The following BRSK2 variants were observed in gnomAD, a reference collection of about 807,000 sequenced individuals.
The protein encoded by BRSK2 is BR serine/threonine kinase 2.
Under a neutral mutation model 83.3 loss-of-function variants are expected in BRSK2, and 19 were observed. That is an observed-to-expected ratio of 0.23 (90% CI 0.16 to 0.33). The LOEUF (loss-of-function observed/expected upper bound fraction) is 0.33, where lower values mean the gene tolerates loss of function less well. Among genes scored for constraint, BRSK2 ranks in the 10% least tolerant of loss-of-function variants. The pLI, the probability that BRSK2 is intolerant of heterozygous loss-of-function variation, is 1.00. For missense variants in BRSK2, 798 were observed against 1,042.3 expected, an observed-to-expected ratio of 0.77 and a Z score of 3.23; for synonymous variants, 519 against 435.4, an observed-to-expected ratio of 1.19 and a Z score of -2.39.
At chr11:1,451,720 C>T (rs1043325780) in intron 15 of BRSK2, among the ~76,000 whole-genome samples, 3 of 152,134 alleles carry the variant, frequency 2.0e-5, no homozygotes, top group Admixed American at 6.5e-5. Context: ...GGCCTGAGCT[C>T]GCCAAGGGCA....
chr11:1,452,771 G>A (rs573963965), intron 15 of BRSK2, among the ~76,000 whole-genome samples: 16 of 152,168 alleles, frequency 1.1e-4, no homozygotes, highest in African/African-American at 3.9e-4. Context: ...ACAGATGCCT[G>A]TGACAGCCCT....
chr11:1,436,240 G>T lies in BRSK2; in HGVS notation c.186+106G>T, dbSNP rs1044281342. On this transcript the variant is annotated intron_variant, in intron 2 of 19. Transcript: ENST00000528841. ...GGGACCTGCGGTGCTGGATGCGGGT[G>T]GGGGGGCGGGCCCTGCAGGCTCCTG... 1.6e-4 allele frequency: 60 copies of T among 384,376 alleles called. 5 individuals are homozygous for T. The highest frequency in any genetic ancestry group is 2.4e-4 in the African/African-American group (11 of 45,950). The allele number at this position is 384,376 out of a possible 1,614,324, so 23.8% of individuals were successfully genotyped here.
chr11:1,450,335 G>A lies in BRSK2; in HGVS notation c.1288-252G>A, dbSNP rs372929183. ...TGGGAGCGCCTCGAGGCCTGGACAC[G>A]TCCTCCCTCTGCAGGCCGCCCTGCG... is the stretch of plus-strand genomic sequence containing the variant. On this transcript the variant is annotated intron_variant, in intron 13 of 19. Coordinates refer to ENST00000528841, the MANE Select transcript of BRSK2 (RefSeq NM_001256627.2). 6.1e-4 allele frequency among the ~76,000 whole-genome samples: 92 copies of A among 152,024 alleles called. 2 individuals carry two copies. The South Asian group carries it at 0.012, about 19-fold the overall frequency.
chr11:1,440,768 GGTGGCCCC>G lies in BRSK2; in HGVS notation c.273-17_273-10del. The G allele has an allele frequency of 6.4e-7, 1 of 1,553,898 alleles. No homozygotes were observed. Among genetic ancestry groups the G allele is most frequent in the Non-Finnish European group, 8.7e-7 (1 of 1,148,664 alleles). ...GCGGGCAGCCACAGCTGGGCGCACT[GGTGGCCCC>G]GTCTCCTGCAGGTACCTGGTGCTAG... is the stretch of plus-strand genomic sequence containing the variant. On this transcript the variant is annotated splice_polypyrimidine_tract_variant and intron_variant, in intron 3 of 19. Transcript: ENST00000528841.
chr11:1,445,635 G>A lies in BRSK2; in HGVS notation c.1042G>A (p.Glu348Lys). The change falls in exon 11 of 20, where the codon GAG becomes AAG. Residue 348 changes from glutamate to lysine, a missense_variant. Glu to Lys is a moderately conservative substitution (Grantham distance 56). Transcript: ENST00000528841. ...LDRKERYPSQEDEDLPPRNEI... is the reference protein window; with the variant it reads ...LDRKERYPSQKDEDLPPRNEI... ...CCGGAAAGAAAGGTACCCGAGCCAG[G>A]AGGATGAGGACCTGCCCCCCCGGAA... 1 of 1,586,330 alleles carries A rather than the reference G, an allele frequency of 6.3e-7. No individual in the cohort carries two copies.
intron 16 of BRSK2, among the ~76,000 whole-genome samples, chr11:1,455,276 C>T: frequency 6.6e-6 from 1 of 150,924 alleles, no homozygotes. Flanking sequence ...CCCTGTGCTG[C>T]ACCCAGCGCC....
chr11:1,448,907 C>G (rs1333650639), intron 12 of BRSK2, among the ~76,000 whole-genome samples: 1 of 152,230 alleles, frequency 6.6e-6, no homozygotes, highest in East Asian at 1.9e-4. Flanking sequence ...ACTAGCGAGG[C>G]CCCTCGTGGC....
intron 4 of BRSK2, 96 bp from the exon 5 acceptor site, chr11:1,442,394 T>G (rs1851463130): frequency 1.9e-5 from 17 of 877,000 alleles, no homozygotes; most frequent in African/African-American, 5.0e-5. Flanking sequence ...GATTGGCGTT[T>G]GGAGAGGCAG....
chr11:1,424,317 G>A (rs1378653405), intron 1 of BRSK2, among the ~76,000 whole-genome samples: 1 of 152,204 alleles, frequency 6.6e-6, no homozygotes, highest in Non-Finnish European at 1.5e-5. Context: ...ACTGCCTCAT[G>A]TGGGGGGTGC....
chr11:1,434,243 G>C (rs540888387), intron 1 of BRSK2, among the ~76,000 whole-genome samples: 5 of 152,340 alleles, frequency 3.3e-5, no homozygotes, highest in South Asian at 4.1e-4. Context: ...CACAGCGCGT[G>C]CACGGAAGGA....
chr11:1,425,937 C>A (rs566164959), intron 1 of BRSK2, among the ~76,000 whole-genome samples: 1 of 152,160 alleles, frequency 6.6e-6, no homozygotes, highest in Non-Finnish European at 1.5e-5. Flanking sequence ...CTCTGGAGAG[C>A]GGATTTGCGG....
chr11:1,453,094 G>A (rs984275746), intron 15 of BRSK2, among the ~76,000 whole-genome samples: 2 of 152,206 alleles, frequency 1.3e-5, no homozygotes, highest in South Asian at 2.1e-4. Context: ...CGAACCTGGC[G>A]GATGCACCCA....
intron 1 of BRSK2, among the ~76,000 whole-genome samples, chr11:1,433,427 C>A (rs1849852180): frequency 1.3e-5 from 2 of 152,262 alleles, no homozygotes; most frequent in African/African-American, 4.8e-5. Context: ...TTTCCTCCCT[C>A]CTTTGAGAGC....
intron 1 of BRSK2, among the ~76,000 whole-genome samples, chr11:1,407,820 C>G (rs11025764): frequency 0.4 from 61,525 of 152,212 alleles, 13,165 homozygotes; most frequent in Non-Finnish European, 0.46. Context: ...TCCAGGAGGG[C>G]TTTCCCAGAG....
intron 1 of BRSK2, among the ~76,000 whole-genome samples, chr11:1,414,234 C>A (rs1473900562): frequency 6.6e-6 from 1 of 152,208 alleles, no homozygotes; most frequent in Non-Finnish European, 1.5e-5. Context: ...CAAATAGAAT[C>A]TCCAGAGGCC....
chr11:1,411,511 G>A (rs762756142), intron 1 of BRSK2: 1 of 1,505,044 alleles, frequency 6.6e-7, no homozygotes, highest in Admixed American at 2.1e-5. Context: ...CCAGCGGTGG[G>A]CAGGGGAGGG....
At chr11:1,456,040 C>T (rs994062667) in intron 16 of BRSK2, among the ~76,000 whole-genome samples, 1 of 152,202 alleles carries the variant, frequency 6.6e-6, no homozygotes, top group African/African-American at 2.4e-5. Flanking sequence ...CACCTTCCAC[C>T]TCCATCTTTG....
chr11:1,435,636 T>C (rs1256075131), intron 1 of BRSK2, among the ~76,000 whole-genome samples: 1 of 107,708 alleles, frequency 9.3e-6, no homozygotes, highest in Non-Finnish European at 1.9e-5. Flanking sequence ...GAGGTATCTC[T>C]GCAGAAGGCT....
chr11:1,428,384 G>C (rs1849499425), intron 1 of BRSK2, among the ~76,000 whole-genome samples: 1 of 152,232 alleles, frequency 6.6e-6, no homozygotes, highest in East Asian at 1.9e-4. Context: ...GGGAAGGTGG[G>C]TGCTTGCCAG....
Sources: gnomAD v4.1 joint callset for allele counts (sites outside exome capture counted in the v4.1 genomes callset) on GRCh38, gnomAD v4.1.1 for gene constraint, MANE v1.5 for transcripts, NCBI Gene and HGNC (gene_info 2026-07-23, HGNC 2026-07-21) for gene names.